Variants in DOCK9 observed in about 807,000 individuals in gnomAD.
DOCK9 encodes the protein dedicator of cytokinesis protein 9.
Under a neutral mutation model 263.3 loss-of-function variants are expected in DOCK9, and 89 were observed. The observed-to-expected ratio is 0.34, with a 90% confidence interval of 0.28 to 0.40. The LOEUF (loss-of-function observed/expected upper bound fraction) is 0.40, where lower values mean the gene tolerates loss of function less well. Ranked by LOEUF, DOCK9 falls within the 10% of genes least tolerant of loss-of-function variation. The pLI is 1.00. For synonymous variants in DOCK9, 976 were observed against 973.1 expected (o/e 1.00, Z -0.06); for missense variants, 2,140 against 2,603.4 (o/e 0.82, Z 3.87).
At chr13:98,804,374 G>A (rs2090454448) in intron 49 of DOCK9, among the ~76,000 whole-genome samples, 1 of 152,232 alleles carries the variant, frequency 6.6e-6, no homozygotes, top group Non-Finnish European at 1.5e-5. Context: ...ACCGGGAAAT[G>A]ATGCAAAACA....
intron 1 of DOCK9, among the ~76,000 whole-genome samples, chr13:99,040,363 C>A (rs1252725715): frequency 3.3e-5 from 5 of 152,098 alleles, no homozygotes; most frequent in Non-Finnish European, 7.3e-5. Flanking sequence ...TTTTATAACA[C>A]AGTCAGCAGG....
At chr13:98,896,617 T>C (rs918215597) in intron 15 of DOCK9, among the ~76,000 whole-genome samples, 1 of 152,020 alleles carries the variant, frequency 6.6e-6, no homozygotes, top group African/African-American at 2.4e-5. Context: ...CCCAGAAAAA[T>C]TCTAAGACCC....
In DOCK9 at chr13:98,888,212, A is replaced by G. The variant is rs1294931002; in HGVS notation, c.1989T>C (p.Ile663=). ...SQKSFAKARN[I]AICIEFKDSD... The stretch of plus-strand genomic sequence containing the variant: ...AATCTTTGAATTCAATGCAAATCGC[A>G]ATATTTCTAGCCTGCAGCAATAAAC... The change falls in exon 18 of 53, where the codon ATT becomes ATC. Residue 663 remains isoleucine, a synonymous_variant. Transcript: ENST00000682017. 1 of 1,611,028 alleles carries G rather than the reference A, an allele frequency of 6.2e-7. No individual in the cohort carries two copies. The highest frequency in any genetic ancestry group is 2.2e-5 in the East Asian group (1 of 44,814).
chr13:99,050,003 A>C (rs1411326301), intron 1 of DOCK9, among the ~76,000 whole-genome samples: 26 of 152,252 alleles, frequency 1.7e-4, no homozygotes, highest in Non-Finnish European at 1.5e-5. Context: ...AGATTTAAAA[A>C]ATTGAAATAT....
chr13:98,951,483 G>A (rs556157979), intron 2 of DOCK9, among the ~76,000 whole-genome samples: 21 of 152,334 alleles, frequency 1.4e-4, no homozygotes, highest in African/African-American at 4.8e-4. Context: ...GTGGGTGGGA[G>A]AACAGAGGCT....
chr13:98,941,391 CT>C, intron 2 of DOCK9, among the ~76,000 whole-genome samples: 1 of 152,196 alleles, frequency 6.6e-6, no homozygotes, highest in Non-Finnish European at 1.5e-5. Flanking sequence ...AAATAATGTA[CT>C]GCTTCCTGAA....
intron 8 of DOCK9, among the ~76,000 whole-genome samples, 177 bp from the exon 9 acceptor site, chr13:98,914,572 T>C (rs1009643626): frequency 6.6e-6 from 1 of 152,084 alleles, no homozygotes; most frequent in Non-Finnish European, 1.5e-5. Context: ...ACAGGCTCAG[T>C]GATGAAAGTC....
intron 1 of DOCK9, among the ~76,000 whole-genome samples, chr13:99,027,816 C>G (rs1028586683): frequency 2.6e-5 from 4 of 152,142 alleles, no homozygotes; most frequent in African/African-American, 9.7e-5. Context: ...TGAAAAACCA[C>G]TGAATGTGCC....
chr13:98,841,393 A>T lies in DOCK9; in HGVS notation c.4199-3784T>A, dbSNP rs79378078. ...ACACATCTTAAAATCCTCTGTAAGG[A>T]TATTACAAATGACTGACTTTAAACA... On this transcript the variant is annotated intron_variant, in intron 38 of 52. Transcript: ENST00000682017. Among the ~76,000 whole-genome samples, 1,264 of 152,322 alleles carry T rather than the reference A, an allele frequency of 8.3e-3. 10 individuals carry two copies. Among genetic ancestry groups the T allele is most frequent in the African/African-American group, 0.028 (1,175 of 41,552 alleles).
chr13:98,804,015 G>T (rs970587481), intron 49 of DOCK9, among the ~76,000 whole-genome samples: 22 of 149,770 alleles, frequency 1.5e-4, no homozygotes, highest in African/African-American at 5.4e-4. Flanking sequence ...TAAAGCATAC[G>T]CTTCGCCGGT....
Position 98,800,345 on chromosome 13 carries a change from C to G in DOCK9, c.5859G>C (p.Ser1953=), listed in dbSNP as rs1014744398. The change falls in exon 50 of 53, where the codon TCG becomes TCC. Residue 1953 remains serine, a synonymous_variant. Transcript: ENST00000682017. ...KVAELRQLCS[S]AEVDMIKLQL... is the part of the protein sequence containing the mutation. ...GCAGTTTGATCATGTCCACCTCGGC[C>G]GAGGAGCACAGCTGCCGGAGCTCCG... is the stretch of plus-strand genomic sequence containing the variant. 1 of 1,612,782 alleles carries G rather than the reference C, an allele frequency of 6.2e-7. No homozygotes were observed. The highest frequency in any genetic ancestry group is 1.6e-4 in the Middle Eastern group (1 of 6,062).
At chr13:98,962,080 T>C (rs2058697733) in intron 1 of DOCK9, among the ~76,000 whole-genome samples, 1 of 152,170 alleles carries the variant, frequency 6.6e-6, no homozygotes, top group African/African-American at 2.4e-5. Context: ...AAACTCTCAA[T>C]AATAAAATAC....
upstream of DOCK9, among the ~76,000 whole-genome samples, chr13:99,087,022 C>A (rs1417971760): frequency 6.6e-6 from 1 of 152,162 alleles, no homozygotes; most frequent in Admixed American, 6.5e-5. Flanking sequence ...AAGTCACCGG[C>A]AGGGTCGGAG....
rs546942118 is a variant in DOCK9 at position 98,872,243 on chromosome 13, A to C, written c.2944-3866T>G. On this transcript the variant is annotated intron_variant, in intron 27 of 52. Transcript: ENST00000682017. ...CCGACGTAAATAAGACTTTTAATTA[A>C]GAAACTTTCTCTTTGTGGCTTAGCA... Among the ~76,000 whole-genome samples, 212 of 152,296 alleles carry C rather than the reference A, an allele frequency of 1.4e-3. 6 individuals are homozygous for C. In the South Asian group the frequency reaches 0.043, roughly 31 times the overall value.
At chr13:98,978,164 T>G, upstream of DOCK9, 1 of 1,276,392 alleles carries the variant, frequency 7.8e-7, no homozygotes, top group Non-Finnish European at 1.0e-6. Context: ...GAAAACAAAC[T>G]CCAAGCTGAA....
At position 98,933,763 on chromosome 13, in the gene DOCK9, TACACCAAAAGGC is replaced by T. The variant is rs541811686; in HGVS notation, c.244-3518_244-3507del. ...TTCCTCGTCTATGCATAGTGCTCTGTACACCAAAAGGCACAGCCTGTCTCCCCTCTCCCTGAA... is the reference window on the plus strand; with the variant it reads ...TTCCTCGTCTATGCATAGTGCTCTGTACAGCCTGTCTCCCCTCTCCCTGAA... On this transcript the variant is annotated intron_variant, in intron 2 of 52. Coordinates refer to ENST00000682017, the MANE Select transcript of DOCK9 (RefSeq NM_001366683.2). Among the ~76,000 whole-genome samples the T allele has an allele frequency of 2.6e-5, 4 of 152,370 alleles. No individual in the cohort carries two copies. In the East Asian group the frequency reaches 7.7e-4, roughly 29 times the overall value.
At chr13:98,919,076 G>T (rs35342521) in intron 7 of DOCK9, among the ~76,000 whole-genome samples, 1 of 152,050 alleles carries the variant, frequency 6.6e-6, no homozygotes, top group Admixed American at 6.6e-5. Context: ...AGGTGATGCA[G>T]GGGTGAAGCA....
chr13:98,980,799 T>C (rs1164008341), upstream of DOCK9, among the ~76,000 whole-genome samples: 4 of 152,216 alleles, frequency 2.6e-5, no homozygotes, highest in African/African-American at 9.6e-5. Flanking sequence ...CTCTGTGGCT[T>C]GATTATGACA....
chr13:98,848,732 C>T, intron 36 of DOCK9, 93 bp from the exon 37 acceptor site: 1 of 1,289,928 alleles, frequency 7.8e-7, no homozygotes, highest in East Asian at 2.5e-5. Flanking sequence ...ATTCAATAAA[C>T]ATTATGTCTA....
Sources: gnomAD v4.1 joint callset for allele counts (sites outside exome capture counted in the v4.1 genomes callset) on GRCh38, gnomAD v4.1.1 for gene constraint, MANE v1.5 for transcripts, NCBI Gene and HGNC (gene_info 2026-07-23, HGNC 2026-07-21) for gene names.